LRBA: variants seen among roughly 807,000 people sequenced by gnomAD.
LRBA encodes the protein lipopolysaccharide-responsive and beige-like anchor protein.
Under a neutral mutation model 330.0 loss-of-function variants are expected in LRBA, and 176 were observed. The observed-to-expected ratio is 0.53, with a 90% CI of 0.47 to 0.60. The LOEUF is 0.60. Ranked by LOEUF, LRBA falls within the 20% of genes least tolerant of loss-of-function variation. LRBA has a pLI of 0.00. For missense variants in LRBA, 3,259 were observed against 3,444.8 expected (o/e 0.95, Z 1.35); for synonymous variants, 1,230 against 1,193.0 (o/e 1.03, Z -0.64).
intron 37 of LRBA, among the ~76,000 whole-genome samples, chr4:150,639,477 G>C (rs1241426773): frequency 6.8e-6 from 1 of 147,110 alleles, no homozygotes; most frequent in African/African-American, 2.5e-5. Flanking sequence ...CCCACCCGTG[G>C]TACTCAACAG....
At chr4:150,790,246 G>C (rs2126638000) in intron 34 of LRBA, among the ~76,000 whole-genome samples, 1 of 152,286 alleles carries the variant, frequency 6.6e-6, no homozygotes, top group South Asian at 2.1e-4. Flanking sequence ...AGGGTGTACT[G>C]CCAGTTCCAC....
intron 37 of LRBA, among the ~76,000 whole-genome samples, chr4:150,670,278 A>G (rs1781940605): frequency 6.6e-6 from 1 of 152,208 alleles, no homozygotes; most frequent in Admixed American, 6.5e-5. Context: ...TGTAAAGAAG[A>G]GCTGTCTCTT....
intron 48 of LRBA, among the ~76,000 whole-genome samples, chr4:150,338,214 T>C (rs1386123882): frequency 6.6e-6 from 1 of 152,178 alleles, no homozygotes; most frequent in Non-Finnish European, 1.5e-5. Flanking sequence ...AGGTCACTTG[T>C]ATACAGTAAT....
At chr4:150,446,074 T>C (rs1237624032) in intron 44 of LRBA, among the ~76,000 whole-genome samples, 1 of 151,914 alleles carries the variant, frequency 6.6e-6, no homozygotes, top group Non-Finnish European at 1.5e-5. Context: ...GAAAGATAAA[T>C]ATCACATGTT....
intron 40 of LRBA, among the ~76,000 whole-genome samples, chr4:150,585,669 C>T (rs1172515277): frequency 6.6e-6 from 1 of 152,136 alleles, no homozygotes; most frequent in Non-Finnish European, 1.5e-5. Context: ...GACACAGGTA[C>T]AGAATATATG....
chr4:150,808,458 TA>T, intron 31 of LRBA, 60 bp from the exon 32 acceptor site: 2 of 915,606 alleles, frequency 2.2e-6, no homozygotes, highest in Non-Finnish European at 3.6e-6. Flanking sequence ...AAGATTTAAA[TA>T]AAAAGAATGT....
At chr4:150,607,128 A>G (rs2126553950) in intron 37 of LRBA, among the ~76,000 whole-genome samples, 1 of 152,342 alleles carries the variant, frequency 6.6e-6, no homozygotes, top group East Asian at 1.9e-4. Flanking sequence ...GGGAAAAGCT[A>G]AGGTAAAAAA....
At chr4:150,643,871 A>T (rs762268239) in intron 37 of LRBA, among the ~76,000 whole-genome samples, 1 of 151,920 alleles carries the variant, frequency 6.6e-6, no homozygotes, top group South Asian at 2.1e-4. Flanking sequence ...TTTTTATTGG[A>T]ACAGAGCCAT....
intron 37 of LRBA, among the ~76,000 whole-genome samples, chr4:150,639,320 C>A (rs1778258532): frequency 2.4e-5 from 3 of 127,588 alleles, no homozygotes; most frequent in African/African-American, 5.6e-5. Flanking sequence ...TGTAACTAAC[C>A]TGCACAATGT....
At chr4:150,761,380 G>A (rs112916611) in intron 35 of LRBA, among the ~76,000 whole-genome samples, 11 of 151,858 alleles carry the variant, frequency 7.2e-5, no homozygotes, top group East Asian at 5.8e-4. Flanking sequence ...ATCACATTGC[G>A]AAACTTGTCC....
At chr4:150,636,703 A>C (rs12642528) in intron 37 of LRBA, among the ~76,000 whole-genome samples, 119,105 of 152,182 alleles carry the variant, frequency 0.78, 51,301 homozygotes, top group Non-Finnish European at 0.95. Context: ...GCTGGAGTGC[A>C]GTGACACAAT....
At chr4:150,501,089 T>C (rs891785512) in intron 40 of LRBA, among the ~76,000 whole-genome samples, 2 of 152,244 alleles carry the variant, frequency 1.3e-5, no homozygotes, top group African/African-American at 4.8e-5. Context: ...AAAGGACCTA[T>C]ATGTAATAGA....
chr4:150,282,386 C>T lies in LRBA; in HGVS notation c.8316+64G>A, dbSNP rs1256079199. On this transcript the variant is annotated intron_variant, in intron 55 of 56. Transcript: ENST00000651943. ...AGAGGTTTCTTTCGCGAACCCTCTC[C>T]CTCCCCACTTGACACACGTTGAGGT... is the stretch of plus-strand genomic sequence containing the variant. 3.5e-6 allele frequency: 5 copies of T among 1,438,358 alleles called. No individual in the cohort carries two copies. In the African/African-American group the frequency reaches 5.7e-5, roughly 16 times the overall value. 89.1% of individuals were successfully genotyped at this position (1,438,358 alleles called of 1,614,324 possible). A position where few individuals can be genotyped will look rare whatever the true frequency, so the allele number is the denominator to read the frequency against.
intron 4 of LRBA, among the ~76,000 whole-genome samples, chr4:150,925,881 C>T (rs1733831160): frequency 6.6e-6 from 1 of 152,082 alleles, no homozygotes; most frequent in Non-Finnish European, 1.5e-5. Context: ...ACTTACCAAC[C>T]TACCATAAAC....
Position 150,285,955 on chromosome 4 carries a change from G to C in LRBA, c.8097C>G (p.Gly2699=). Residue 2699 remains glycine (G), a synonymous_variant, in exon 54 of 57, where the codon GGC becomes GGG. Transcript: ENST00000651943. ...VTCAAVCAEL[G]LVLSGSQEGP... is the part of the protein sequence containing the mutation. ...TACCTTGTGAACCACTCAACACCAGGCCTAGCTCCGCACACACCGCAGCAC... is the reference window on the plus strand; with the variant it reads ...TACCTTGTGAACCACTCAACACCAGCCCTAGCTCCGCACACACCGCAGCAC... The C allele has an allele frequency of 6.3e-7, 1 of 1,589,366 alleles. No individual in the cohort carries two copies. Among genetic ancestry groups the C allele is most frequent in the Non-Finnish European group, 8.5e-7 (1 of 1,169,858 alleles).
At chr4:150,331,248 A>C (rs907111230) in intron 48 of LRBA, among the ~76,000 whole-genome samples, 1 of 152,192 alleles carries the variant, frequency 6.6e-6, no homozygotes, top group Non-Finnish European at 1.5e-5. Flanking sequence ...TAGAGCAATA[A>C]AAAATTTAAA....
chr4:150,340,708 T>C (rs778889909), intron 48 of LRBA, among the ~76,000 whole-genome samples: 1 of 152,202 alleles, frequency 6.6e-6, no homozygotes, highest in African/African-American at 2.4e-5. Context: ...TTATTTGTTG[T>C]TGCTTTAGAT....
chr4:150,353,296 C>T (rs1247415279), intron 47 of LRBA, among the ~76,000 whole-genome samples: 3 of 152,008 alleles, frequency 2.0e-5, no homozygotes, highest in African/African-American at 7.3e-5. Context: ...CATATACACA[C>T]ACTATTGAAA....
intron 37 of LRBA, among the ~76,000 whole-genome samples, chr4:150,618,726 G>C (rs1776008020): frequency 6.6e-6 from 1 of 151,800 alleles, no homozygotes. Context: ...TGACAAGTAA[G>C]CTTTCTGGTC....
Sources: allele counts gnomAD v4.1 joint callset (sites outside exome capture counted in the v4.1 genomes callset), GRCh38; gene constraint gnomAD v4.1.1; transcripts MANE v1.5; gene names NCBI Gene and HGNC (gene_info 2026-07-23, HGNC 2026-07-21).